Variants in SAMD4A observed in about 807,000 individuals in gnomAD.
The protein encoded by SAMD4A is protein Smaug homolog 1.
SAMD4A carries 33 observed loss-of-function variants against 81.3 expected under a neutral mutation model. The observed-to-expected ratio is 0.41, with a 90% confidence interval of 0.31 to 0.54. SAMD4A has a LOEUF of 0.54. Ranked by LOEUF, SAMD4A falls within the 20% of genes least tolerant of loss-of-function variation. SAMD4A has a pLI of 0.37. For missense variants in SAMD4A, 854 were observed against 951.1 expected (o/e 0.90, Z 1.34); for synonymous variants, 389 against 382.1 (o/e 1.02, Z -0.21).
Position 54,689,277 on chromosome 14 carries a change from A to G in SAMD4A, c.197-12785A>G, listed in dbSNP as rs116223706. On this transcript the variant is annotated intron_variant, in intron 2 of 12. Transcript: ENST00000554335. The stretch of plus-strand genomic sequence containing the variant: ...AATTTTCCAGGCATGCCCCTCCTCC[A>G]TACTTTGTGAACCAGTGCCTTAGGG... 9.0e-3 allele frequency among the ~76,000 whole-genome samples: 1,370 copies of G among 152,154 alleles called. 18 individuals are homozygous for G. The highest frequency in any genetic ancestry group is 0.032 in the African/African-American group (1,312 of 41,512).
At chr14:54,661,372 G>A (rs551209192) in intron 2 of SAMD4A, among the ~76,000 whole-genome samples, 7 of 152,220 alleles carry the variant, frequency 4.6e-5, no homozygotes, top group African/African-American at 7.2e-5. Context: ...CAAAGAGTTC[G>A]AAGCTGTGCC....
At chr14:54,565,575 T>A (rs1277726096), upstream of SAMD4A, among the ~76,000 whole-genome samples, 1 of 152,042 alleles carries the variant, frequency 6.6e-6, no homozygotes, top group African/African-American at 2.4e-5. This position sits in a 1 kb window ranked among gnomAD's most constrained non-coding sequence, Gnocchi z 5.4. Flanking sequence ...CCGGAACCCA[T>A]CCCAGCAAGT....
chr14:54,774,149 A>G (rs1219899493), intron 9 of SAMD4A, among the ~76,000 whole-genome samples: 15 of 152,248 alleles, frequency 9.9e-5, no homozygotes, highest in Non-Finnish European at 2.2e-4. Flanking sequence ...GGCGGCAGGC[A>G]GAGTGCTGGT....
At chr14:54,612,571 G>A (rs1238891984) in intron 2 of SAMD4A, among the ~76,000 whole-genome samples, 1 of 152,124 alleles carries the variant, frequency 6.6e-6, no homozygotes, top group African/African-American at 2.4e-5. Flanking sequence ...TTTCCTAAAT[G>A]TGCTAATAGC....
chr14:54,729,558 T>C (rs573884562), intron 3 of SAMD4A, among the ~76,000 whole-genome samples: 1 of 152,360 alleles, frequency 6.6e-6, no homozygotes, highest in African/African-American at 2.4e-5. Context: ...CAGTTCTGTC[T>C]AAACTCATTT....
chr14:54,687,902 G>C, intron 2 of SAMD4A: 1 of 977,040 alleles, frequency 1.0e-6, no homozygotes, highest in South Asian at 4.7e-5. Context: ...ATGGGGCTGG[G>C]CTGCTGTCCC....
At chr14:54,660,829 A>G (rs1455344418) in intron 2 of SAMD4A, among the ~76,000 whole-genome samples, 1 of 152,252 alleles carries the variant, frequency 6.6e-6, no homozygotes, top group African/African-American at 2.4e-5. Context: ...TAGACTTGGT[A>G]TCCAAGCATA....
intron 11 of SAMD4A, among the ~76,000 whole-genome samples, chr14:54,783,169 A>G (rs12885392): frequency 6.6e-6 from 1 of 151,630 alleles, no homozygotes; most frequent in African/African-American, 2.4e-5. Context: ...AAAAAAAAAA[A>G]AAAAACAAAA....
chr14:54,566,490 G>A (rs1049983151), upstream of SAMD4A, among the ~76,000 whole-genome samples: 1 of 151,742 alleles, frequency 6.6e-6, no homozygotes, highest in African/African-American at 2.4e-5. Context: ...CGGCGGCCAC[G>A]AGAACCGGGA....
chr14:54,636,096 A>T (rs776870272), intron 2 of SAMD4A, among the ~76,000 whole-genome samples: 2 of 152,200 alleles, frequency 1.3e-5, no homozygotes, highest in Non-Finnish European at 2.9e-5. Context: ...CAGGCAAGCT[A>T]TGGTTGCTTG....
At chr14:54,651,310 T>C (rs767198377) in intron 2 of SAMD4A, among the ~76,000 whole-genome samples, 5 of 152,212 alleles carry the variant, frequency 3.3e-5, no homozygotes, top group African/African-American at 4.8e-5. Flanking sequence ...ATACCTTTTA[T>C]TGTAATGCAC....
chr14:54,681,842 C>G, intron 2 of SAMD4A: 1 of 985,330 alleles, frequency 1.0e-6, no homozygotes, highest in African/African-American at 1.7e-5. Context: ...AGAATTGGAA[C>G]TCTCCCAAAA....
chr14:54,595,714 A>C (rs928687656), intron 2 of SAMD4A, among the ~76,000 whole-genome samples: 6 of 152,174 alleles, frequency 3.9e-5, no homozygotes, highest in African/African-American at 1.4e-4. Flanking sequence ...TAACATATTT[A>C]AGTGACAGTT....
intron 2 of SAMD4A, among the ~76,000 whole-genome samples, chr14:54,622,755 C>T (rs1027106731): frequency 1.3e-5 from 2 of 152,164 alleles, no homozygotes; most frequent in African/African-American, 4.8e-5. Flanking sequence ...TGTCGTGCAG[C>T]GTAGGCGTGG....
chr14:54,754,226 A>T (rs1158714588), intron 6 of SAMD4A, among the ~76,000 whole-genome samples: 1 of 152,212 alleles, frequency 6.6e-6, no homozygotes, highest in African/African-American at 2.4e-5. Context: ...TTGATAAGTC[A>T]GTGATGTTTT....
At chr14:54,668,362 G>C (rs1424360396) in intron 2 of SAMD4A, among the ~76,000 whole-genome samples, 1 of 152,154 alleles carries the variant, frequency 6.6e-6, no homozygotes, top group Non-Finnish European at 1.5e-5. Context: ...GAGTTTAGGG[G>C]GTACTTATCA....
At chr14:54,712,462 G>A (rs369129163) in intron 3 of SAMD4A, among the ~76,000 whole-genome samples, 2 of 152,114 alleles carry the variant, frequency 1.3e-5, no homozygotes, top group African/African-American at 4.8e-5. Context: ...TCCCCTTTGG[G>A]GGAAACTTTT....
chr14:54,737,402 C>T, intron 4 of SAMD4A, 115 bp downstream of exon 4: 2 of 1,243,224 alleles, frequency 1.6e-6, no homozygotes, highest in Non-Finnish European at 2.2e-6. Context: ...CTTCCCCAGG[C>T]TTACGCATTT....
chr14:54,736,375 C>T (rs552940952), intron 3 of SAMD4A, among the ~76,000 whole-genome samples: 3 of 152,286 alleles, frequency 2.0e-5, no homozygotes, highest in African/African-American at 7.2e-5. Flanking sequence ...GGGAAAGAAT[C>T]GGCCCTAGAA....
Sources: gnomAD v4.1 joint callset for allele counts (sites outside exome capture counted in the v4.1 genomes callset) on GRCh38, gnomAD v4.1.1 for gene constraint, Gnocchi (gnomAD v3.1) non-coding constraint, MANE v1.5 for transcripts, NCBI Gene and HGNC (gene_info 2026-07-23, HGNC 2026-07-21) for gene names.